The following TET2 variants were observed in gnomAD, a reference collection of about 807,000 sequenced individuals.
TET2 encodes tet methylcytosine dioxygenase 2, also known as methylcytosine dioxygenase TET2.
A neutral mutation model predicts 142.9 loss-of-function variants in TET2; 299 were observed. That is an observed-to-expected ratio of 2.09 (90% CI 1.90 to 2.30). TET2 has a LOEUF of 2.30. Among genes scored for constraint, TET2 ranks in the 30% most tolerant of loss-of-function variants. The pLI, the probability that TET2 is intolerant of heterozygous loss-of-function variation, is 0.00. For missense variants in TET2, 2,418 were observed against 2,378.0 expected (o/e 1.02, Z -0.35); for synonymous variants, 819 against 849.0 (o/e 0.96, Z 0.61).
chr4:105,209,051 A>ATG (rs1726996329), intron 2 of TET2, among the ~76,000 whole-genome samples: 2 of 36,342 alleles, frequency 5.5e-5, no homozygotes, highest in South Asian at 1.9e-3. Flanking sequence ...AAGGCATGGT[A>ATG]TATATATATA....
chr4:105,257,054 C>G lies in TET2; in HGVS notation c.3804-2565C>G, dbSNP rs1730172133. ...AAGTCTTTGTCCAGTGGCCTAACATCTGGACTTTTTCAGGAATAGCCTCTA... is the reference window on the plus strand; with the variant it reads ...AAGTCTTTGTCCAGTGGCCTAACATGTGGACTTTTTCAGGAATAGCCTCTA... On this transcript the variant is annotated intron_variant, in intron 6 of 10. Transcript: ENST00000380013. 2.6e-5 allele frequency among the ~76,000 whole-genome samples: 4 copies of G among 152,278 alleles called. No homozygotes were observed. The South Asian group carries it at 8.3e-4, about 32-fold the overall frequency.
chr4:105,214,947 G>T (rs569859945), intron 2 of TET2, among the ~76,000 whole-genome samples: 125 of 152,274 alleles, frequency 8.2e-4, no homozygotes, highest in Non-Finnish European at 1.6e-3. Flanking sequence ...ACTCGAAGCT[G>T]GTTGGTCAGA....
chr4:105,247,634 G>A (rs985612582), intron 6 of TET2, among the ~76,000 whole-genome samples: 1 of 85,498 alleles, frequency 1.2e-5, no homozygotes, highest in African/African-American at 8.0e-5. Flanking sequence ...TTTCATCTTG[G>A]TTCTTTTGTT....
chr4:105,209,106 C>T (rs113845489), intron 2 of TET2, among the ~76,000 whole-genome samples: 154 of 72,964 alleles, frequency 2.1e-3, no homozygotes, highest in African/African-American at 5.6e-3. Context: ...TATGTTTGAG[C>T]GAGGGGCACT....
At position 105,210,365 on chromosome 4, in the gene TET2, G is replaced by A. The variant is rs1578626503; in HGVS notation, c.-47+19860G>A. The stretch of plus-strand genomic sequence containing the variant: ...TTCTCTTTACAATGTCAAAATTCTG[G>A]TGTTTTTAAGGCCCCAATCTCAGGC... On this transcript the variant is annotated intron_variant, in intron 2 of 10. Coordinates refer to ENST00000380013, the MANE Select transcript of TET2 (RefSeq NM_001127208.3). Among the ~76,000 whole-genome samples, 3 of 152,054 alleles carry A rather than the reference G, an allele frequency of 2.0e-5. No homozygotes were observed. In the South Asian group the frequency reaches 6.2e-4, roughly 32 times the overall value.
intron 2 of TET2, among the ~76,000 whole-genome samples, chr4:105,227,595 TAGA>T (rs1314863488): frequency 7.7e-6 from 1 of 129,418 alleles, no homozygotes; most frequent in Admixed American, 7.0e-5. Context: ...TAAGAAAAAA[TAGA>T]AGGATGTTTA....
chr4:105,211,051 C>G (rs1484921525), intron 2 of TET2, among the ~76,000 whole-genome samples: 1 of 152,104 alleles, frequency 6.6e-6, no homozygotes, highest in Non-Finnish European at 1.5e-5. Flanking sequence ...AAACACTCCT[C>G]TTGTTCACTG....
At chr4:105,215,343 C>T (rs1727431667) in intron 2 of TET2, among the ~76,000 whole-genome samples, 1 of 152,086 alleles carries the variant, frequency 6.6e-6, no homozygotes, top group Non-Finnish European at 1.5e-5. Flanking sequence ...TCTGTAATAA[C>T]ATCTTACAAT....
chr4:105,225,992 A>G (rs1578654735), intron 2 of TET2, among the ~76,000 whole-genome samples: 3 of 152,310 alleles, frequency 2.0e-5, no homozygotes, highest in African/African-American at 7.2e-5. Flanking sequence ...CAAACCACAT[A>G]AAGAAATGAT....
At chr4:105,268,536 T>C (rs1730801325) in intron 8 of TET2, among the ~76,000 whole-genome samples, 1 of 152,202 alleles carries the variant, frequency 6.6e-6, no homozygotes, top group South Asian at 2.1e-4. Context: ...TTGGACAAGA[T>C]GGCTGTAAAA....
intron 1 of TET2, among the ~76,000 whole-genome samples, chr4:105,156,614 T>C (rs958016990): frequency 6.6e-6 from 1 of 152,192 alleles, no homozygotes; most frequent in African/African-American, 2.4e-5. Context: ...AATGGGTTAT[T>C]ATAGTATTTT....
Position 105,241,352 on chromosome 4 carries a change from A to G in TET2, c.3423A>G (p.Glu1141=), listed in dbSNP as rs1052496139. The change falls in exon 4 of 11, where the codon GAA becomes GAG. Residue 1141 remains glutamate, a synonymous_variant. Coordinates refer to ENST00000380013, the MANE Select transcript of TET2 (RefSeq NM_001127208.3). The part of the protein sequence containing the change: ...PSCRCVEQII[E]KDEGPFYTHL... The stretch of plus-strand genomic sequence containing the variant: ...TTATCTCAACAGAGCAAATTATTGA[A>G]AAAGATGAAGGTCCTTTTTATACCC... 6.5e-7 allele frequency: 1 copy of G among 1,546,368 alleles called. No homozygotes were observed. The highest frequency in any genetic ancestry group is 1.4e-5 in the African/African-American group (1 of 72,708).
intron 2 of TET2, among the ~76,000 whole-genome samples, chr4:105,195,972 C>A (rs1455777867): frequency 6.6e-6 from 1 of 152,128 alleles, no homozygotes; most frequent in Non-Finnish European, 1.5e-5. Flanking sequence ...ACACACAATA[C>A]CCTTCCTTAA....
At chr4:105,181,545 T>C (rs1725122094) in intron 1 of TET2, among the ~76,000 whole-genome samples, 1 of 152,208 alleles carries the variant, frequency 6.6e-6, no homozygotes, top group Non-Finnish European at 1.5e-5. Context: ...GATATTTCAC[T>C]TAGAAAATCT....
Position 105,240,747 on chromosome 4 carries a change from T to C in TET2, c.3410-592T>C, listed in dbSNP as rs539985801. The C allele has an allele frequency of 8.3e-6, 9 of 1,080,108 alleles. No homozygotes were observed. In the East Asian group the frequency reaches 3.5e-4, roughly 42 times the overall value. The allele number at this position is 1,080,108 out of a possible 1,614,324, so 66.9% of individuals were successfully genotyped here. A position where few individuals can be genotyped will look rare whatever the true frequency, so the allele number is the denominator to read the frequency against. ...GTTGGTTTGCAACAGCCCCTTCTTT[T>C]TGCCTGACTCTCCAGGATTTTCTCT... On this transcript the variant is annotated intron_variant, in intron 3 of 10. Transcript: ENST00000380013.
At chr4:105,247,777 A>G (rs1171940624) in intron 6 of TET2, among the ~76,000 whole-genome samples, 13 of 125,536 alleles carry the variant, frequency 1.0e-4, no homozygotes, top group African/African-American at 3.1e-4. Flanking sequence ...GCTGGAGTGC[A>G]GTGGCCCAAT....
intron 3 of TET2, chr4:105,241,071 AGTTTC>A (rs1176608592): frequency 3.7e-6 from 4 of 1,080,314 alleles, no homozygotes; most frequent in Non-Finnish European, 4.6e-6. Context: ...TTCTTTGTTT[AGTTTC>A]ATTTATTTGG....
In TET2 at chr4:105,219,857, A is replaced by G. The variant is rs190970579; in HGVS notation, c.-46-14040A>G. ...TTTAATAGGGCAACCACTCCCCGAT[A>G]CTCTTGATTCCTCGTTAGCTGCCCT... On this transcript the variant is annotated intron_variant, in intron 2 of 10. Coordinates refer to ENST00000380013, the MANE Select transcript of TET2 (RefSeq NM_001127208.3). Among the ~76,000 whole-genome samples the G allele has an allele frequency of 1.5e-3, 231 of 152,010 alleles. 1 individual carries two copies. The highest frequency in any genetic ancestry group is 5.4e-3 in the African/African-American group (223 of 41,476).
At position 105,205,447 on chromosome 4, in the gene TET2, T is replaced by C. The variant is rs539686605; in HGVS notation, c.-47+14942T>C. On this transcript the variant is annotated intron_variant, in intron 2 of 10. Coordinates refer to ENST00000380013, the MANE Select transcript of TET2 (RefSeq NM_001127208.3). Reference sequence around the variant, plus strand: ...ATTTCTAGAACAGTAAGCAAATCATTTCTGAAAGTGTGTTCTTCTACTATT... The same window carrying C: ...ATTTCTAGAACAGTAAGCAAATCATCTCTGAAAGTGTGTTCTTCTACTATT... 7.9e-4 allele frequency among the ~76,000 whole-genome samples: 121 copies of C among 152,276 alleles called. 1 individual carries two copies. The highest frequency in any genetic ancestry group is 6.0e-3 in the Admixed American group (91 of 15,290).
Sources: gnomAD v4.1 joint callset for allele counts (sites outside exome capture counted in the v4.1 genomes callset) on GRCh38, gnomAD v4.1.1 for gene constraint, MANE v1.5 for transcripts, NCBI Gene and HGNC (gene_info 2026-07-23, HGNC 2026-07-21) for gene names.